Variants in CCDC191 observed in about 807,000 individuals in gnomAD.
CCDC191 encodes coiled-coil domain-containing protein 191.
Under a neutral mutation model 114.0 loss-of-function variants are expected in CCDC191, and 99 were observed. The observed-to-expected ratio is 0.87, with a 90% CI of 0.74 to 1.03. The LOEUF (loss-of-function observed/expected upper bound fraction) is 1.03, where lower values mean the gene tolerates loss of function less well. Ranked by LOEUF, CCDC191 falls within the 50% of genes least tolerant of loss-of-function variation. CCDC191 has a pLI of 0.00. For missense variants in CCDC191, 973 were observed against 1,087.0 expected, an observed-to-expected ratio of 0.90 and a Z score of 1.47; for synonymous variants, 351 against 376.0, an observed-to-expected ratio of 0.93 and a Z score of 0.77.
At chr3:114,013,292 C>G (rs1019568418) in intron 8 of CCDC191, among the ~76,000 whole-genome samples, 2 of 151,606 alleles carry the variant, frequency 1.3e-5, no homozygotes, top group Non-Finnish European at 2.9e-5. Flanking sequence ...AATGTAGTTA[C>G]GATATCTGTA....
rs200452575 is a variant in CCDC191, at chr3:114,047,070, ATATTT to A, written c.130-343_130-339del. On this transcript the variant is annotated intron_variant, in intron 2 of 16. Transcript: ENST00000295878. ...TATTTTACTTTAAATAAAAAATATT[ATATTT>A]TATTAGTTTTCATGCCCTTAGGACT... 4.6e-4 allele frequency: 446 copies of A among 961,048 alleles called. 7 individuals carry two copies. The East Asian group carries it at 0.018, about 39-fold the overall frequency. 59.5% of individuals were successfully genotyped at this position (961,048 alleles called of 1,614,324 possible).
intron 13 of CCDC191, among the ~76,000 whole-genome samples, chr3:113,994,248 A>T (rs965759881): frequency 3.3e-5 from 5 of 152,258 alleles, no homozygotes; most frequent in African/African-American, 1.2e-4. Flanking sequence ...CAGATACTTC[A>T]TCATAGAAGA....
intron 1 of CCDC191, 81 bp downstream of exon 1, chr3:114,056,287 GCAGGAAGCA>G: frequency 8.2e-7 from 1 of 1,221,076 alleles, no homozygotes; most frequent in South Asian, 1.3e-5. Context: ...GGATGAAGAG[GCAGGAAGCA>G]CAGACGGGCC....
chr3:114,025,163 T>G (rs3796246), intron 7 of CCDC191, among the ~76,000 whole-genome samples: 13,897 of 151,594 alleles, frequency 0.092, 683 homozygotes, highest in East Asian at 0.13. Flanking sequence ...CTACCCCGGC[T>G]ATAGACAAAA....
intron 3 of CCDC191, among the ~76,000 whole-genome samples, chr3:114,044,019 T>C (rs1334034334): frequency 6.6e-6 from 1 of 151,722 alleles, no homozygotes; most frequent in Admixed American, 6.6e-5. Context: ...ACATGTTAGG[T>C]TTGAGATGTT....
intron 2 of CCDC191, among the ~76,000 whole-genome samples, chr3:114,047,435 G>A (rs1285865547): frequency 6.6e-6 from 1 of 152,202 alleles, no homozygotes; most frequent in Non-Finnish European, 1.5e-5. Flanking sequence ...GCCAAAATGG[G>A]AGGACTGCCT....
chr3:113,996,009 A>G (rs1286500549), intron 13 of CCDC191, among the ~76,000 whole-genome samples: 1 of 151,958 alleles, frequency 6.6e-6, no homozygotes, highest in African/African-American at 2.4e-5. Context: ...AATTCTTTAT[A>G]GATTCTGGAT....
rs777942018 is a variant in CCDC191, at chr3:114,018,800, A to C, written c.1041T>G (p.Ala347=). The C allele has an allele frequency of 6.2e-6, 10 of 1,613,908 alleles. No individual in the cohort carries two copies. The highest frequency in any genetic ancestry group is 1.1e-5 in the South Asian group (1 of 91,082). Residue 347 remains alanine, a synonymous_variant, in exon 8 of 17, where the codon GCT becomes GCG. Transcript: ENST00000295878. ...GAATCTTCCAGTCAGACAGGGTCCC[A>C]GCTTTCCCCAGCTTAATCCTATGAT... ...ILDHRIKLGK[A]GTLSDWKIQL... is the part of the protein sequence containing the mutation.
intron 14 of CCDC191, 57 bp from the exon 15 acceptor site, chr3:113,979,067 AAC>A: frequency 6.7e-7 from 1 of 1,498,332 alleles, no homozygotes; most frequent in South Asian, 1.2e-5. Flanking sequence ...CATTTAAACA[AAC>A]ACATCACCTT....
chr3:114,006,615 T>TATATATATATATAA (rs1371654689), intron 9 of CCDC191, among the ~76,000 whole-genome samples: 122 of 84,706 alleles, frequency 1.4e-3, no homozygotes, highest in South Asian at 4.9e-3. Context: ...TATATATATA[T>TATATATATATATAA]ATAAATATAT....
chr3:114,050,653 G>A (rs1458467941), intron 2 of CCDC191, among the ~76,000 whole-genome samples: 3 of 152,180 alleles, frequency 2.0e-5, no homozygotes, highest in African/African-American at 4.8e-5. Context: ...CTGATGGAGG[G>A]GAAGGAGACT....
intron 1 of CCDC191, 146 bp downstream of exon 1, chr3:114,056,231 G>A: frequency 1.4e-6 from 1 of 718,190 alleles, no homozygotes; most frequent in Admixed American, 2.3e-5. Context: ...TTTCACTCAG[G>A]GTAATGCTGG....
In CCDC191 at chr3:114,041,057, T is replaced by C. The variant is rs1028300532; in HGVS notation, c.415+1646A>G. 3.4e-4 allele frequency among the ~76,000 whole-genome samples: 52 copies of C among 151,918 alleles called. 1 individual carries two copies. Among genetic ancestry groups the C allele is most frequent in the Admixed American group, 2.0e-4 (3 of 15,234 alleles). On this transcript the variant is annotated intron_variant, in intron 4 of 16. Transcript: ENST00000295878. ...AAAAAACTCTACCAGCATACGATGA[T>C]TGAGGCCTGGCATGGCACTAGATGA...
Position 113,992,566 on chromosome 3 carries a change from G to A in CCDC191, c.2163+9029C>T, listed in dbSNP as rs11927142. Among the ~76,000 whole-genome samples, 758 of 152,172 alleles carry A rather than the reference G, an allele frequency of 5.0e-3. 8 individuals are homozygous for A. The highest frequency in any genetic ancestry group is 0.017 in the African/African-American group (718 of 41,514). ...GGTGAATTGTATCAAACATTTAAACGGGGACTGTTGTGGGATGGGGGGAGG... is the reference window on the plus strand; with the variant it reads ...GGTGAATTGTATCAAACATTTAAACAGGGACTGTTGTGGGATGGGGGGAGG... On this transcript the variant is annotated intron_variant, in intron 13 of 16. Coordinates refer to ENST00000295878, the MANE Select transcript of CCDC191 (RefSeq NM_020817.2).
At chr3:113,986,997 T>C (rs1358232604) in intron 13 of CCDC191, among the ~76,000 whole-genome samples, 1 of 152,072 alleles carries the variant, frequency 6.6e-6, no homozygotes, top group East Asian at 1.9e-4. Flanking sequence ...ACCTAGTCTG[T>C]GACATTTTGT....
chr3:113,979,903 T>G (rs2075080734), intron 14 of CCDC191, among the ~76,000 whole-genome samples: 1 of 152,250 alleles, frequency 6.6e-6, no homozygotes, highest in South Asian at 2.1e-4. Context: ...AGGGAAATTT[T>G]AGAAATTTCT....
At position 114,030,340 on chromosome 3, in the gene CCDC191, T is replaced by G. The variant is rs537531599; in HGVS notation, c.972+1286A>C. ...AAACACACTTTATTTGTCTCTAATTTGTTGGGAAATATATCATGGTATTTT... is the reference window on the plus strand; with the variant it reads ...AAACACACTTTATTTGTCTCTAATTGGTTGGGAAATATATCATGGTATTTT... On this transcript the variant is annotated intron_variant, in intron 7 of 16. Transcript: ENST00000295878. Among the ~76,000 whole-genome samples the G allele has an allele frequency of 2.6e-5, 4 of 152,288 alleles. No homozygotes were observed. In the South Asian group the frequency reaches 8.3e-4, roughly 32 times the overall value.
chr3:114,025,458 G>A (rs2076307955), intron 7 of CCDC191, among the ~76,000 whole-genome samples: 3 of 152,002 alleles, frequency 2.0e-5, no homozygotes, highest in Non-Finnish European at 4.4e-5. Context: ...GTGTCAATAT[G>A]TACCCCTTAC....
intron 2 of CCDC191, among the ~76,000 whole-genome samples, chr3:114,047,745 C>T (rs538188864): frequency 7.2e-5 from 11 of 151,996 alleles, no homozygotes; most frequent in Admixed American, 2.6e-4. Flanking sequence ...GAGGCCGAGG[C>T]GGGTGGATCA....
Sources: gnomAD v4.1 joint callset for allele counts (sites outside exome capture counted in the v4.1 genomes callset) on GRCh38, gnomAD v4.1.1 for gene constraint, MANE v1.5 for transcripts, NCBI Gene and HGNC (gene_info 2026-07-23, HGNC 2026-07-21) for gene names.